Variants in PMM1 observed in about 807,000 individuals in gnomAD.
The protein encoded by PMM1 is phosphomannomutase 1, also known as brain glucose-1,6-bisphosphatase.
A neutral mutation model predicts 34.0 loss-of-function variants in PMM1; 25 were observed. The observed-to-expected ratio is 0.73, with a 90% CI of 0.54 to 1.03. The LOEUF is 1.03. Ranked by LOEUF, PMM1 falls within the 50% of genes least tolerant of loss-of-function variation. The pLI is 0.00. For synonymous variants in PMM1, 134 were observed against 143.9 expected, an observed-to-expected ratio of 0.93 and a Z score of 0.49; for missense variants, 321 against 350.1, an observed-to-expected ratio of 0.92 and a Z score of 0.66.
Position 41,589,829 on chromosome 22 carries a change from G to T in PMM1, c.-24C>A, listed in dbSNP as rs778288430. ...ATGGCTGCAGGTCCGCGCGCGGGGC[G>T]GAGTCCCGAAGATGCAACGGCAGAA... On this transcript the variant is annotated 5_prime_UTR_variant, in exon 1 of 8. Coordinates refer to ENST00000216259, the MANE Select transcript of PMM1 (RefSeq NM_002676.3). The T allele has an allele frequency of 6.3e-7, 1 of 1,583,284 alleles. No individual in the cohort carries two copies. The highest frequency in any genetic ancestry group is 8.6e-7 in the Non-Finnish European group (1 of 1,164,580).
chr22:41,584,457 AG>A, intron 3 of PMM1, 69 bp downstream of exon 3: 2 of 1,574,276 alleles, frequency 1.3e-6, no homozygotes, highest in Non-Finnish European at 1.7e-6. Context: ...AGCCCAGGAC[AG>A]AAGCCCCCTT....
chr22:41,586,633 C>T (rs372516652), intron 1 of PMM1, among the ~76,000 whole-genome samples: 2 of 151,684 alleles, frequency 1.3e-5, no homozygotes, highest in Non-Finnish European at 1.5e-5. Flanking sequence ...CTCAGCCTCC[C>T]GAGTAGCTGG....
Position 41,577,893 on chromosome 22 carries a change from TC to T in PMM1, c.580del (p.Glu194ArgfsTer95). The T allele has an allele frequency of 6.2e-7, 1 of 1,613,346 alleles. No individual in the cohort carries two copies. Among genetic ancestry groups the T allele is most frequent in the Non-Finnish European group, 8.5e-7 (1 of 1,179,928 alleles). On this transcript the variant is annotated frameshift_variant, in exon 7 of 8. Coordinates refer to ENST00000216259, the MANE Select transcript of PMM1 (RefSeq NM_002676.3). LOFTEE classifies it high-confidence loss of function. ...GGMISFDVFP[E>X]GWDKRYCLDS... ...CAGGCAGTAGCGCTTGTCCCAGCCCTCGGGGAAGACGTCAAAGCTGATCATG... is the reference window on the plus strand; with the variant it reads ...CAGGCAGTAGCGCTTGTCCCAGCCCTGGGGAAGACGTCAAAGCTGATCATG...
At chr22:41,586,360 G>A in intron 1 of PMM1, 167 bp from the exon 2 acceptor site, 1 of 1,299,484 alleles carries the variant, frequency 7.7e-7, no homozygotes, top group Non-Finnish European at 1.0e-6. Context: ...CTGTGGCTCA[G>A]GTCTGCAATC....
At chr22:41,587,790 G>A (rs1369060449) in intron 1 of PMM1, among the ~76,000 whole-genome samples, 2 of 152,204 alleles carry the variant, frequency 1.3e-5, no homozygotes, top group Non-Finnish European at 2.9e-5. Flanking sequence ...TTAACTTGGG[G>A]AGCCGGCCAG....
rs546746399 is a variant in PMM1, at chr22:41,578,715, C to T, written c.550+91G>A. 3.7e-6 allele frequency: 4 copies of T among 1,080,042 alleles called. No individual in the cohort carries two copies. In the South Asian group the frequency reaches 5.2e-5, roughly 14 times the overall value. The allele number at this position is 1,080,042 out of a possible 1,614,324, so 66.9% of individuals were successfully genotyped here. On this transcript the variant is annotated intron_variant, in intron 6 of 7. Coordinates refer to ENST00000216259, the MANE Select transcript of PMM1 (RefSeq NM_002676.3). ...AGCCGGGGAGGGGCTACTAAAGCTA[C>T]TGGGGGCCACAGCCTGGTCTTGGCA... is the stretch of plus-strand genomic sequence containing the variant.
At chr22:41,589,489 C>T in intron 1 of PMM1, 2 of 592,058 alleles carry the variant, frequency 3.4e-6, no homozygotes, top group Non-Finnish European at 6.0e-6. Context: ...CTGGATCCAA[C>T]CCCAGCACTC....
chr22:41,579,769 AT>A (rs2067221398), intron 5 of PMM1: 1 of 152,416 alleles, frequency 6.6e-6, no homozygotes, highest in Non-Finnish European at 1.5e-5. Flanking sequence ...GATGTCAGAT[AT>A]AAAGCCAGAC....
In PMM1 at chr22:41,577,292, T is replaced by A; in HGVS notation, c.*26A>T. 7 of 1,612,370 alleles carry A rather than the reference T, an allele frequency of 4.3e-6. No homozygotes were observed. The highest frequency in any genetic ancestry group is 5.9e-6 in the Non-Finnish European group (7 of 1,179,952). The stretch of plus-strand genomic sequence containing the variant: ...AGGCCTAGGCCAAACTCTTCAGAAG[T>A]CACGACACACAGATGTGGGCCCCGG... On this transcript the variant is annotated 3_prime_UTR_variant, in exon 8 of 8. Transcript: ENST00000216259.
chr22:41,584,227 C>A (rs2067281334), intron 4 of PMM1, 54 bp downstream of exon 4: 1 of 1,521,364 alleles, frequency 6.6e-7, no homozygotes, highest in Non-Finnish European at 9.1e-7. Flanking sequence ...GAGGGACCCA[C>A]ACTTCTCCTC....
At position 41,577,809 on chromosome 22, in the gene PMM1, G is replaced by T; in HGVS notation, c.665C>A (p.Pro222His). 2 of 1,610,768 alleles carry T rather than the reference G, an allele frequency of 1.2e-6. No homozygotes were observed. The highest frequency in any genetic ancestry group is 2.2e-5 in the South Asian group (2 of 91,028). ...TIHFFGNETS[P>H]GGNDFEIFAD... Reference sequence around the variant, plus strand: ...AAACCTGGGGTGGGCCACACTCACAGGGCTAGTCTCGTTCCCAAAGAAGTG... The same window carrying T: ...AAACCTGGGGTGGGCCACACTCACATGGCTAGTCTCGTTCCCAAAGAAGTG... The change falls in exon 7 of 8, where the codon CCT (proline) becomes CAT (histidine). Residue 222 changes from proline (P) to histidine (H), a missense_variant and splice_region_variant. Physicochemically the swap from Pro to His is moderately conservative, Grantham distance 77. Transcript: ENST00000216259.
chr22:41,577,881 TTG>T lies in PMM1; in HGVS notation c.591_592del (p.Asp197GlufsTer7). ...GTCCAGGCTATCCAGGCAGTAGCGCTTGTCCCAGCCCTCGGGGAAGACGTCAA... is the reference window on the plus strand; with the variant it reads ...GTCCAGGCTATCCAGGCAGTAGCGCTTCCCAGCCCTCGGGGAAGACGTCAA... On this transcript the variant is annotated frameshift_variant, in exon 7 of 8. Coordinates refer to ENST00000216259, the MANE Select transcript of PMM1 (RefSeq NM_002676.3). LOFTEE classifies it high-confidence loss of function. 1 of 1,613,502 alleles carries T rather than the reference TTG, an allele frequency of 6.2e-7. No individual in the cohort carries two copies. Among genetic ancestry groups the T allele is most frequent in the Non-Finnish European group, 8.5e-7 (1 of 1,179,960 alleles).
At chr22:41,580,260 G>C (rs6002410) in intron 5 of PMM1, 7,762 of 152,404 alleles carry the variant, frequency 0.051, 649 homozygotes, top group African/African-American at 0.18. Flanking sequence ...ACTCATCCCC[G>C]CTTCAGGGTT....
intron 1 of PMM1, among the ~76,000 whole-genome samples, chr22:41,587,843 A>G (rs2067329864): frequency 6.6e-6 from 1 of 152,162 alleles, no homozygotes; most frequent in Admixed American, 6.5e-5. Context: ...CTTCTCTGTT[A>G]CGTTTCCATT....
chr22:41,583,789 A>G lies in PMM1; in HGVS notation c.474+170T>C, dbSNP rs559421446. On this transcript the variant is annotated intron_variant, in intron 5 of 7. Transcript: ENST00000216259. ...TCACCTAGGAAGGGGGACCAGCAGC[A>G]TTGTAAAGATGCAGGTGTGTCTACA... Among the ~76,000 whole-genome samples the G allele has an allele frequency of 7.2e-5, 11 of 152,290 alleles. No homozygotes were observed. The East Asian group carries it at 1.5e-3, about 21-fold the overall frequency.
rs1258570757 is a variant in PMM1, at chr22:41,589,801, G to A, written c.5C>T (p.Ala2Val). 2.5e-6 allele frequency: 4 copies of A among 1,605,562 alleles called. No homozygotes were observed. Among genetic ancestry groups the A allele is most frequent in the South Asian group, 1.1e-5 (1 of 89,614 alleles). Reference sequence around the variant, plus strand: ...CCTGCGGGCTGCCTGGGCGGTGACTGCCATGGCTGCAGGTCCGCGCGCGGG... The same window carrying A: ...CCTGCGGGCTGCCTGGGCGGTGACTACCATGGCTGCAGGTCCGCGCGCGGG... M[A>V]VTAQAARRKE... is the part of the protein sequence containing the mutation. The change falls in exon 1 of 8, where the codon GCA (alanine) becomes GTA (valine). Residue 2 changes from alanine to valine, a missense_variant. Physicochemically the swap from Ala to Val is moderately conservative, Grantham distance 64. Coordinates refer to ENST00000216259, the MANE Select transcript of PMM1 (RefSeq NM_002676.3).
At chr22:41,578,745 C>A in intron 6 of PMM1, 61 bp downstream of exon 6, 3 of 1,403,120 alleles carry the variant, frequency 2.1e-6, no homozygotes, top group Non-Finnish European at 3.0e-6. Flanking sequence ...TTGGCAGGGG[C>A]AGATGGTTTG....
intron 4 of PMM1, 83 bp downstream of exon 4, chr22:41,584,198 G>A (rs1267605023): frequency 7.3e-7 from 1 of 1,374,692 alleles, no homozygotes; most frequent in African/African-American, 1.4e-5. Context: ...AGGGGCCCAA[G>A]TATCTCCAGG....
At chr22:41,589,238 G>T in intron 1 of PMM1, 2 of 649,560 alleles carry the variant, frequency 3.1e-6, no homozygotes, top group Non-Finnish European at 5.1e-6. Context: ...AGGTCGGGGT[G>T]GGAAGACTCC....
Sources: allele counts gnomAD v4.1 joint callset (sites outside exome capture counted in the v4.1 genomes callset), GRCh38; gene constraint gnomAD v4.1.1; transcripts MANE v1.5; gene names NCBI Gene and HGNC (gene_info 2026-07-23, HGNC 2026-07-21).